The following SUPT4H1 variants were observed in gnomAD, a reference collection of about 807,000 sequenced individuals.
SUPT4H1 encodes transcription elongation factor SPT4.
A neutral mutation model predicts 19.4 loss-of-function variants in SUPT4H1; 12 were observed. The ratio of observed to expected loss-of-function variants is 0.62; its 90% confidence interval spans 0.40 to 1.00. The LOEUF (loss-of-function observed/expected upper bound fraction) is 1.00, where lower values mean the gene tolerates loss of function less well. Among genes scored for constraint, SUPT4H1 ranks in the 50% least tolerant of loss-of-function variants. The pLI is 0.00. For synonymous variants in SUPT4H1, 58 were observed against 56.3 expected, an observed-to-expected ratio of 1.03 and a Z score of -0.14; for missense variants, 115 against 149.2, an observed-to-expected ratio of 0.77 and a Z score of 1.19.
At chr17:58,350,836 C>CCA (rs1355811656) in intron 2 of SUPT4H1, among the ~76,000 whole-genome samples, 2 of 81,906 alleles carry the variant, frequency 2.4e-5, no homozygotes, top group Non-Finnish European at 4.5e-5. Flanking sequence ...AAAGTCTGTC[C>CCA]AAAAAAAAAA....
intron 2 of SUPT4H1, among the ~76,000 whole-genome samples, chr17:58,350,704 T>C (rs1222237087): frequency 6.7e-6 from 1 of 148,182 alleles, no homozygotes; most frequent in African/African-American, 2.5e-5. Context: ...GGAGTGGTGG[T>C]GGGTGCCTGT....
chr17:58,347,252 A>G lies in SUPT4H1; in HGVS notation c.233-11T>C. 6.2e-7 allele frequency: 1 copy of G among 1,614,134 alleles called. No homozygotes were observed. Among genetic ancestry groups the G allele is most frequent in the Non-Finnish European group, 8.5e-7 (1 of 1,179,970 alleles). Reference sequence around the variant, plus strand: ...CTGGCTTAAAGTTACCTGAGAGAGAAGAAAAAAGATACAAGATTACAGTGA... The same window carrying G: ...CTGGCTTAAAGTTACCTGAGAGAGAGGAAAAAAGATACAAGATTACAGTGA... On this transcript the variant is annotated splice_polypyrimidine_tract_variant and intron_variant, in intron 3 of 4. Coordinates refer to ENST00000225504, the MANE Select transcript of SUPT4H1 (RefSeq NM_003168.3).
rs1972286551 is a variant in SUPT4H1, at chr17:58,346,328, G to T, written c.287-15C>A. On this transcript the variant is annotated splice_polypyrimidine_tract_variant and intron_variant, in intron 4 of 4. Coordinates refer to ENST00000225504, the MANE Select transcript of SUPT4H1 (RefSeq NM_003168.3). ...CCGCACGATTCCTGAAGCAGGAAAA[G>T]AAACAGTTCTGTGAGGTAAGATTCA... is the stretch of plus-strand genomic sequence containing the variant. The T allele has an allele frequency of 1.9e-6, 3 of 1,612,910 alleles. No individual in the cohort carries two copies. In the African/African-American group the frequency reaches 4.0e-5, roughly 22 times the overall value.
chr17:58,347,606 A>T, intron 2 of SUPT4H1, 22 bp from the exon 3 acceptor site: 2 of 1,613,624 alleles, frequency 1.2e-6, no homozygotes, highest in Non-Finnish European at 1.7e-6. Context: ...AAAGAAATGG[A>T]GAGTCAGCCT....
chr17:58,346,107 A>T lies in SUPT4H1; in HGVS notation c.*139T>A. ...CCAAAGAAGATAAAATGATAAAATG[A>T]TGTGCTGCTCTCTCAACAGTCAGCT... On this transcript the variant is annotated 3_prime_UTR_variant, in exon 5 of 5. Transcript: ENST00000225504. The T allele has an allele frequency of 1.5e-6, 1 of 668,032 alleles. No homozygotes were observed. 41.4% of individuals were successfully genotyped at this position (668,032 alleles called of 1,614,324 possible).
intron 1 of SUPT4H1, 56 bp from the exon 2 acceptor site, chr17:58,351,564 A>G (rs749051696): frequency 2.4e-6 from 3 of 1,246,148 alleles, no homozygotes; most frequent in Non-Finnish European, 2.3e-6. Context: ...CAAGACCAAG[A>G]GAAAAAGTAG....
At chr17:58,350,915 A>G (rs970114899) in intron 2 of SUPT4H1, among the ~76,000 whole-genome samples, 8 of 151,782 alleles carry the variant, frequency 5.3e-5, no homozygotes, top group African/African-American at 1.9e-4. Context: ...TTCATTTTCA[A>G]AAAAAATTTT....
rs1415705974 is a variant in SUPT4H1, at chr17:58,351,403, C to T, written c.175G>A (p.Gly59Arg). 5.6e-6 allele frequency: 9 copies of T among 1,608,410 alleles called. No individual in the cohort carries two copies. Among genetic ancestry groups the T allele is most frequent in the Non-Finnish European group, 7.7e-6 (9 of 1,175,676 alleles). ...VYDCTSSSFD[G>R]IIAMMSPEDS... ...ATGATGGAAACTGAAGCGGCTTACC[C>T]ATCAAAGGAAGAGCTAGTGCAGTCA... The change falls in exon 2 of 5, where the codon GGA becomes AGA. Residue 59 changes from glycine (G) to arginine (R), a missense_variant and splice_region_variant. Coordinates refer to ENST00000225504, the MANE Select transcript of SUPT4H1 (RefSeq NM_003168.3).
Position 58,346,106 on chromosome 17 carries a change from G to T in SUPT4H1, c.*140C>A. ...TCCAAAGAAGATAAAATGATAAAAT[G>T]ATGTGCTGCTCTCTCAACAGTCAGC... is the stretch of plus-strand genomic sequence containing the variant. On this transcript the variant is annotated 3_prime_UTR_variant, in exon 5 of 5. Coordinates refer to ENST00000225504, the MANE Select transcript of SUPT4H1 (RefSeq NM_003168.3). 4.0e-5 allele frequency: 26 copies of T among 649,882 alleles called. No homozygotes were observed. Among genetic ancestry groups the T allele is most frequent in the East Asian group, 5.7e-5 (2 of 34,940 alleles). The allele number at this position is 649,882 out of a possible 1,614,324, so 40.3% of individuals were successfully genotyped here.
At chr17:58,348,094 T>A (rs1470037529) in intron 2 of SUPT4H1, among the ~76,000 whole-genome samples, 1 of 152,140 alleles carries the variant, frequency 6.6e-6, no homozygotes. Flanking sequence ...ACTCAAAGGT[T>A]GAGATAATAC....
intron 3 of SUPT4H1, 26 bp downstream of exon 3, chr17:58,347,503 C>G (rs1357874449): frequency 7.4e-6 from 12 of 1,613,972 alleles, no homozygotes; most frequent in East Asian, 6.7e-5. Context: ...TACAACTAAG[C>G]CAAAAGGAGA....
chr17:58,347,128 T>G, intron 4 of SUPT4H1, 60 bp downstream of exon 4: 1 of 1,525,830 alleles, frequency 6.6e-7, no homozygotes, highest in Non-Finnish European at 9.1e-7. Flanking sequence ...TTAATTCAGA[T>G]AAAAAAACTT....
chr17:58,351,304 G>T, intron 2 of SUPT4H1, 98 bp downstream of exon 2: 3 of 705,812 alleles, frequency 4.3e-6, no homozygotes, highest in Non-Finnish European at 7.0e-6. Flanking sequence ...AAAAACGAAT[G>T]GCTGGGCCCA....
intron 4 of SUPT4H1, 30 bp from the exon 5 acceptor site, chr17:58,346,343 G>C: frequency 6.2e-7 from 1 of 1,607,918 alleles, no homozygotes; most frequent in Non-Finnish European, 8.5e-7. Context: ...AGTTCTGTGA[G>C]GTAAGATTCA....
At position 58,349,239 on chromosome 17, in the gene SUPT4H1, GA is replaced by G. The variant is rs1972399369; in HGVS notation, c.177-1656del. ...CCTGACTTACCTTAGTTCAACTTAT[GA>G]TTTTTCAAATTTATGATTTTGCAAA... On this transcript the variant is annotated intron_variant, in intron 2 of 4. Coordinates refer to ENST00000225504, the MANE Select transcript of SUPT4H1 (RefSeq NM_003168.3). Among the ~76,000 whole-genome samples the G allele has an allele frequency of 1.3e-5, 2 of 152,304 alleles. 1 individual carries two copies. The highest frequency in any genetic ancestry group is 4.1e-4 in the South Asian group (2 of 4,822).
intron 4 of SUPT4H1, 98 bp from the exon 5 acceptor site, chr17:58,346,411 G>C: frequency 2.1e-6 from 2 of 953,784 alleles, no homozygotes; most frequent in East Asian, 4.8e-5. Context: ...AAGCAAACTG[G>C]AGTTCCTAGA....
intron 2 of SUPT4H1, among the ~76,000 whole-genome samples, chr17:58,350,525 A>G (rs1972460727): frequency 6.6e-6 from 1 of 150,942 alleles, no homozygotes; most frequent in Non-Finnish European, 1.5e-5. Flanking sequence ...AAATAAATAA[A>G]TAAATAAATA....
rs774598303 is a variant in SUPT4H1, at chr17:58,351,464, T to A, written c.114A>T (p.Ala38=). 6.2e-7 allele frequency: 1 copy of A among 1,613,964 alleles called. No homozygotes were observed. The highest frequency in any genetic ancestry group is 8.5e-7 in the Non-Finnish European group (1 of 1,179,936). The part of the protein sequence containing the change: ...FEYDGCDNCD[A]YLQMKGNREM... ...CTCGGTTACCCTTCATTTGTAGATATGCATCACAATTGTCACAACCATCAT... is the reference window on the plus strand; with the variant it reads ...CTCGGTTACCCTTCATTTGTAGATAAGCATCACAATTGTCACAACCATCAT... The change falls in exon 2 of 5, where the codon GCA becomes GCT. Residue 38 remains alanine (A), a synonymous_variant. Transcript: ENST00000225504.
At chr17:58,346,415 TC>T (rs747310895) in intron 4 of SUPT4H1, 102 bp from the exon 5 acceptor site, 31 of 915,362 alleles carry the variant, frequency 3.4e-5, no homozygotes, top group Middle Eastern at 2.1e-4. Context: ...AAACTGGAGT[TC>T]CTAGACTACT....
Sources: allele counts gnomAD v4.1 joint callset (sites outside exome capture counted in the v4.1 genomes callset), GRCh38; gene constraint gnomAD v4.1.1; transcripts MANE v1.5; gene names NCBI Gene and HGNC (gene_info 2026-07-23, HGNC 2026-07-21).